Variants in EPHA6 observed in about 807,000 individuals in gnomAD.
EPHA6 encodes the protein ephrin type-A receptor 6.
Under a neutral mutation model 112.0 loss-of-function variants are expected in EPHA6, and 50 were observed. That is an observed-to-expected ratio of 0.45 (90% CI 0.36 to 0.56). The LOEUF (loss-of-function observed/expected upper bound fraction) is 0.56, where lower values mean the gene tolerates loss of function less well. EPHA6 is among the 20% of genes least tolerant of loss of function. The pLI is 0.00. For missense variants in EPHA6, 1,280 were observed against 1,417.4 expected, an observed-to-expected ratio of 0.90 and a Z score of 1.56; for synonymous variants, 529 against 490.7, an observed-to-expected ratio of 1.08 and a Z score of -1.03.
At chr3:97,728,121 G>A (rs2034862528) in intron 15 of EPHA6, among the ~76,000 whole-genome samples, 1 of 151,954 alleles carries the variant, frequency 6.6e-6, no homozygotes, top group Non-Finnish European at 1.5e-5. Flanking sequence ...TACAAAGAGA[G>A]CATTTTCAAA....
chr3:97,570,128 C>G (rs960207691), intron 11 of EPHA6, among the ~76,000 whole-genome samples: 1 of 151,912 alleles, frequency 6.6e-6, no homozygotes, highest in African/African-American at 2.4e-5. Flanking sequence ...ATTTTGTATC[C>G]TAACTACATA....
chr3:97,572,581 C>T (rs181184081), intron 11 of EPHA6: 10 of 152,202 alleles, frequency 6.6e-5, no homozygotes, highest in Admixed American at 5.2e-4. Flanking sequence ...AGAGTATAAT[C>T]ATAGTAAATG....
chr3:97,486,637 T>C (rs920257314), intron 10 of EPHA6, among the ~76,000 whole-genome samples: 1 of 152,090 alleles, frequency 6.6e-6, no homozygotes, highest in African/African-American at 2.4e-5. Context: ...AATCCAGTCA[T>C]GAGGGCTGAG....
chr3:96,988,035 G>A (rs1185791299), intron 3 of EPHA6, 42 bp downstream of exon 3: 3 of 1,463,588 alleles, frequency 2.0e-6, no homozygotes, highest in Non-Finnish European at 2.7e-6. Context: ...GCATTTAAAT[G>A]ATTTTAAAAA....
chr3:97,327,455 C>T (rs1245012368), intron 5 of EPHA6, among the ~76,000 whole-genome samples: 1 of 151,808 alleles, frequency 6.6e-6, no homozygotes, highest in African/African-American at 2.4e-5. Context: ...ATTCAACTTT[C>T]CCTACTTTTA....
At chr3:96,888,742 C>A (rs2037781810) in intron 2 of EPHA6, among the ~76,000 whole-genome samples, 1 of 152,098 alleles carries the variant, frequency 6.6e-6, no homozygotes, top group African/African-American at 2.4e-5. Flanking sequence ...CTGTAAAGAC[C>A]CCTGACATGG....
At chr3:97,280,530 T>C (rs2080250279) in intron 5 of EPHA6, among the ~76,000 whole-genome samples, 1 of 152,148 alleles carries the variant, frequency 6.6e-6, no homozygotes, top group African/African-American at 2.4e-5. Context: ...ACTTCATTTT[T>C]CTGAGCCTTT....
intron 14 of EPHA6, among the ~76,000 whole-genome samples, chr3:97,719,088 A>ACCCCCCCCCCCCCCCC (rs1309685748): frequency 1.4e-5 from 1 of 73,038 alleles, no homozygotes; most frequent in Non-Finnish European, 2.6e-5. Flanking sequence ...CGCCCCCCCC[A>ACCCCCCCCCCCCCCCC]CCCCCCCCCC....
intron 14 of EPHA6, among the ~76,000 whole-genome samples, chr3:97,688,652 C>T (rs148732024): frequency 0.026 from 3,874 of 150,322 alleles, 153 homozygotes; most frequent in African/African-American, 0.088. Flanking sequence ...TGTAGCACAC[C>T]AACATGGCAC....
rs1450569456 is a variant in EPHA6, at chr3:97,481,495, TC to T, written c.2074+2133del. On this transcript the variant is annotated intron_variant, in intron 9 of 17. Coordinates refer to ENST00000389672, the MANE Select transcript of EPHA6 (RefSeq NM_001080448.3). ...CAATAAGGAAGGCACAAACCATAGTTCCGGTTCTTCCTCCGGCGCGGGGCTA... is the reference window on the plus strand; with the variant it reads ...CAATAAGGAAGGCACAAACCATAGTTCGGTTCTTCCTCCGGCGCGGGGCTA... 2.7e-6 allele frequency: 3 copies of T among 1,124,642 alleles called. No individual in the cohort carries two copies. In the African/African-American group the frequency reaches 4.6e-5, roughly 17 times the overall value. The allele number at this position is 1,124,642 out of a possible 1,614,324, so 69.7% of individuals were successfully genotyped here.
At chr3:97,061,940 T>C (rs2046035606) in intron 3 of EPHA6, among the ~76,000 whole-genome samples, 1 of 152,192 alleles carries the variant, frequency 6.6e-6, no homozygotes. Flanking sequence ...ACAAAAATTA[T>C]ATTACAGAAA....
intron 2 of EPHA6, among the ~76,000 whole-genome samples, chr3:96,951,620 G>A (rs1288593843): frequency 1.4e-4 from 22 of 151,886 alleles, no homozygotes; most frequent in African/African-American, 5.3e-4. Flanking sequence ...ATAATAACTC[G>A]AGGGAGCCAT....
intron 2 of EPHA6, among the ~76,000 whole-genome samples, chr3:96,911,280 T>G (rs1207890021): frequency 1.3e-5 from 2 of 151,986 alleles, no homozygotes; most frequent in African/African-American, 2.4e-5. Context: ...GAAAGTTGAT[T>G]CTATTTCTAT....
chr3:96,946,134 A>C (rs2041241965), intron 2 of EPHA6, among the ~76,000 whole-genome samples: 1 of 152,028 alleles, frequency 6.6e-6, no homozygotes, highest in Non-Finnish European at 1.5e-5. Flanking sequence ...ATATGATTTT[A>C]AGTTTCTTCC....
intron 6 of EPHA6, among the ~76,000 whole-genome samples, chr3:97,409,333 T>C (rs984146869): frequency 1.3e-5 from 2 of 152,112 alleles, no homozygotes; most frequent in Admixed American, 6.6e-5. Flanking sequence ...ACCAACTATA[T>C]GCCAGGTAAT....
intron 11 of EPHA6, among the ~76,000 whole-genome samples, chr3:97,540,700 G>A (rs1246076299): frequency 6.6e-6 from 1 of 152,018 alleles, no homozygotes; most frequent in Non-Finnish European, 1.5e-5. Context: ...CAGTGTGAAG[G>A]TATCATTGTA....
At chr3:97,421,424 T>A (rs564684667) in intron 6 of EPHA6, among the ~76,000 whole-genome samples, 47 of 152,198 alleles carry the variant, frequency 3.1e-4, no homozygotes, top group Non-Finnish European at 5.4e-4. Context: ...GTAAAGCATT[T>A]GAGAATAAAT....
intron 3 of EPHA6, among the ~76,000 whole-genome samples, chr3:97,021,793 G>T (rs944405073): frequency 5.3e-5 from 8 of 152,090 alleles, no homozygotes; most frequent in African/African-American, 1.9e-4. Context: ...TATCACATTG[G>T]GGGTTAGAGT....
intron 5 of EPHA6, among the ~76,000 whole-genome samples, chr3:97,259,954 C>G (rs1199721316): frequency 2.6e-5 from 4 of 151,914 alleles, no homozygotes; most frequent in Admixed American, 1.3e-4. Context: ...GCACGTGCCA[C>G]CACACCTGGC....
Sources: gnomAD v4.1 joint callset for allele counts (sites outside exome capture counted in the v4.1 genomes callset) on GRCh38, gnomAD v4.1.1 for gene constraint, MANE v1.5 for transcripts, NCBI Gene and HGNC (gene_info 2026-07-23, HGNC 2026-07-21) for gene names.